ETFBKMT: variants seen among roughly 807,000 people sequenced by gnomAD.
ETFBKMT encodes electron transfer flavoprotein subunit beta lysine methyltransferase.
In ETFBKMT, 13 loss-of-function variants were observed where a neutral mutation model predicts 18.3. The observed-to-expected ratio is 0.71, with a 90% CI of 0.46 to 1.13. The LOEUF (loss-of-function observed/expected upper bound fraction) is 1.13, where lower values mean the gene tolerates loss of function less well. Among genes scored for constraint, ETFBKMT ranks in the 50% most tolerant of loss-of-function variants. The pLI is 0.00. For missense variants in ETFBKMT, 293 were observed against 306.2 expected, an observed-to-expected ratio of 0.96 and a Z score of 0.32; for synonymous variants, 84 against 107.9, an observed-to-expected ratio of 0.78 and a Z score of 1.37.
chr12:31,662,822 A>G (rs1172388500), intron 2 of ETFBKMT, among the ~76,000 whole-genome samples: 1 of 152,184 alleles, frequency 6.6e-6, no homozygotes, highest in Non-Finnish European at 1.5e-5. Flanking sequence ...TGACCATTGC[A>G]GAGTTCCTAG....
In ETFBKMT at chr12:31,649,515, A is replaced by AT. The variant is rs574193796; in HGVS notation, c.-114+2269dup. Among the ~76,000 whole-genome samples, 111 of 147,404 alleles carry AT rather than the reference A, an allele frequency of 7.5e-4. 1 individual carries two copies. In the South Asian group the frequency reaches 0.012, roughly 15 times the overall value. Reference sequence around the variant, plus strand: ...TGTGTCGGGCTAGTCTATTGGTGCCATTTTTTTTTCAAACAGAGTGTGCTT... The same window carrying AT: ...TGTGTCGGGCTAGTCTATTGGTGCCATTTTTTTTTTCAAACAGAGTGTGCTT... On this transcript the variant is annotated intron_variant, in intron 1 of 3. Coordinates refer to the ETFBKMT transcript ENST00000412352.
chr12:31,666,446 T>C (rs1447988421), intron 3 of ETFBKMT, among the ~76,000 whole-genome samples: 1 of 152,164 alleles, frequency 6.6e-6, no homozygotes, highest in Non-Finnish European at 1.5e-5. Context: ...TAAGCACTTA[T>C]GTTAATTTAT....
rs200203445 is a variant in ETFBKMT, at chr12:31,667,630, CTTTT to C, written c.446-7_446-4del. The C allele has an allele frequency of 6.5e-6, 9 of 1,378,828 alleles. No homozygotes were observed. Among genetic ancestry groups the C allele is most frequent in the Admixed American group, 4.1e-5 (2 of 48,362 alleles). 85.4% of individuals were successfully genotyped at this position (1,378,828 alleles called of 1,614,324 possible). A position where few individuals can be genotyped will look rare whatever the true frequency, so the allele number is the denominator to read the frequency against. On this transcript the variant is annotated splice_polypyrimidine_tract_variant and intron_variant, in intron 3 of 3. Transcript: ENST00000357721. ...CTAGCATATACCAATTCATTTTGTG[CTTTT>C]TTTTTTTTTAAGTTGCAGGAATGGC...
In ETFBKMT at chr12:31,662,158, T is replaced by G; in HGVS notation, c.205T>G (p.Leu69Val). 1 of 1,614,212 alleles carries G rather than the reference T, an allele frequency of 6.2e-7. No individual in the cohort carries two copies. Among genetic ancestry groups the G allele is most frequent in the Non-Finnish European group, 8.5e-7 (1 of 1,180,032 alleles). ...TGGTAGCCTCACCCCTGAAATCCAGTTGCGGCTTTTGACCCCCAGATGCAA... is the reference window on the plus strand; with the variant it reads ...TGGTAGCCTCACCCCTGAAATCCAGGTGCGGCTTTTGACCCCCAGATGCAA... ...SSGSLTPEIQ[L>V]RLLTPRCKFW... The change falls in exon 2 of 4, where the codon TTG (leucine) becomes GTG (valine). Residue 69 changes from leucine (L) to valine (V), a missense_variant. Leu to Val is a conservative substitution (Grantham distance 32). Transcript: ENST00000357721.
intron 1 of ETFBKMT, among the ~76,000 whole-genome samples, 188 bp from the exon 2 acceptor site, chr12:31,661,653 G>T (rs1951125474): frequency 6.6e-6 from 1 of 151,970 alleles, no homozygotes; most frequent in Non-Finnish European, 1.5e-5. Flanking sequence ...TAGAGACAGG[G>T]TTTCACCATG....
chr12:31,670,970 A>G lies in ETFBKMT; in HGVS notation c.*2980A>G, dbSNP rs1469775140. The G allele has an allele frequency of 6.6e-6, 1 of 152,184 alleles. No individual in the cohort carries two copies. Among genetic ancestry groups the G allele is most frequent in the Non-Finnish European group, 1.5e-5 (1 of 68,034 alleles). 9.4% of individuals were successfully genotyped at this position (152,184 alleles called of 1,614,324 possible). On this transcript the variant is annotated 3_prime_UTR_variant, in exon 4 of 4. Coordinates refer to ENST00000357721, the MANE Select transcript of ETFBKMT (RefSeq NM_001135863.2). The stretch of plus-strand genomic sequence containing the variant: ...GGGAATACTGGGTACTGGATGGGGT[A>G]CAGATATTTTAAACAGAGTGGTGAG...
At chr12:31,663,737 T>C (rs1246103309) in intron 2 of ETFBKMT, among the ~76,000 whole-genome samples, 1 of 152,222 alleles carries the variant, frequency 6.6e-6, no homozygotes, top group East Asian at 1.9e-4. Flanking sequence ...TTATAGTTCA[T>C]GGCCTTTTAT....
intron 2 of ETFBKMT, among the ~76,000 whole-genome samples, chr12:31,664,273 G>T (rs926741676): frequency 4.0e-5 from 6 of 151,866 alleles, no homozygotes; most frequent in African/African-American, 1.5e-4. Context: ...TGGTTGAATT[G>T]GACTTTGAGT....
upstream of ETFBKMT, among the ~76,000 whole-genome samples, chr12:31,656,021 T>C (rs1046654786): frequency 6.6e-6 from 1 of 152,236 alleles, no homozygotes; most frequent in East Asian, 1.9e-4. Context: ...GATACTGATA[T>C]GTAATGTTTG....
At chr12:31,652,182 C>A (rs981569683) in intron 1 of ETFBKMT, among the ~76,000 whole-genome samples, 3 of 152,194 alleles carry the variant, frequency 2.0e-5, no homozygotes, top group Admixed American at 2.0e-4. Flanking sequence ...TAAACTTCGG[C>A]GCATCCACTG....
In ETFBKMT at chr12:31,667,695, C is replaced by G; in HGVS notation, c.494C>G (p.Pro165Arg). The G allele has an allele frequency of 6.2e-7, 1 of 1,613,526 alleles. No homozygotes were observed. The highest frequency in any genetic ancestry group is 8.5e-7 in the Non-Finnish European group (1 of 1,179,906). ...TLNCELNRLNPFPILIQNILN... is the reference protein window; with the variant it reads ...TLNCELNRLNRFPILIQNILN... The stretch of plus-strand genomic sequence containing the variant: ...AATTGTGAATTGAACAGACTGAATC[C>G]TTTTCCTATTTTAATCCAAAACATT... The change falls in exon 4 of 4, where the codon CCT (proline) becomes CGT (arginine). Residue 165 changes from proline to arginine, a missense_variant. By Grantham distance (103) the Pro-to-Arg change is moderately radical. Transcript: ENST00000357721.
At chr12:31,653,280 CTG>C (rs1333929552) in intron 1 of ETFBKMT, among the ~76,000 whole-genome samples, 1 of 150,746 alleles carries the variant, frequency 6.6e-6, no homozygotes, top group African/African-American at 2.4e-5. Context: ...TTATACATAA[CTG>C]TTTAAGTTTC....
At position 31,672,267 on chromosome 12, in the gene ETFBKMT, A is replaced by T. The variant is rs1202491496; in HGVS notation, c.*4277A>T. The T allele has an allele frequency of 6.8e-7, 1 of 1,460,474 alleles. No homozygotes were observed. Among genetic ancestry groups the T allele is most frequent in the Non-Finnish European group, 9.4e-7 (1 of 1,063,482 alleles). The allele number at this position is 1,460,474 out of a possible 1,614,324, so 90.5% of individuals were successfully genotyped here. A position where few individuals can be genotyped will look rare whatever the true frequency, so the allele number is the denominator to read the frequency against. On this transcript the variant is annotated 3_prime_UTR_variant, in exon 4 of 4. Transcript: ENST00000357721. ...ATGGTTTCCTGGGAAAGTAGTTTTG[A>T]TAAGCTTTCCTAGCATTGATCATCT...
upstream of ETFBKMT, among the ~76,000 whole-genome samples, chr12:31,655,359 C>T (rs777782357): frequency 8.5e-5 from 13 of 152,128 alleles, no homozygotes; most frequent in African/African-American, 4.8e-5. Flanking sequence ...TCACAAATCG[C>T]GCCTAAGAAA....
At chr12:31,667,162 T>G (rs1347067043) in intron 3 of ETFBKMT, among the ~76,000 whole-genome samples, 1 of 152,232 alleles carries the variant, frequency 6.6e-6, no homozygotes, top group East Asian at 1.9e-4. Flanking sequence ...GCCCAGCTAA[T>G]TTTTGTATTT....
At position 31,672,592 on chromosome 12, in the gene ETFBKMT, GT is replaced by G; in HGVS notation, c.*4605del. 5.7e-6 allele frequency: 2 copies of G among 351,770 alleles called. No homozygotes were observed. The highest frequency in any genetic ancestry group is 1.0e-5 in the Non-Finnish European group (2 of 194,790). The allele number at this position is 351,770 out of a possible 1,614,324, so 21.8% of individuals were successfully genotyped here. A position where few individuals can be genotyped will look rare whatever the true frequency, so the allele number is the denominator to read the frequency against. ...TAGTGCACCTATCATGGTATTACTT[GT>G]TTAAAAAAAAAAAACAGGCATTTGT... On this transcript the variant is annotated 3_prime_UTR_variant, in exon 4 of 4. Coordinates refer to ENST00000357721, the MANE Select transcript of ETFBKMT (RefSeq NM_001135863.2).
Position 31,670,916 on chromosome 12 carries a change from A to G in ETFBKMT, c.*2926A>G, listed in dbSNP as rs1232149633. ...AAACAGGCATCAGATGGTGATAGGT[A>G]GTAAGGAGAAAAAGAAGTAAGGGTA... On this transcript the variant is annotated 3_prime_UTR_variant, in exon 4 of 4. Transcript: ENST00000357721. 1.3e-5 allele frequency: 2 copies of G among 152,224 alleles called. No individual in the cohort carries two copies. Among genetic ancestry groups the G allele is most frequent in the African/African-American group, 4.8e-5 (2 of 41,454 alleles). The allele number at this position is 152,224 out of a possible 1,614,324, so 9.4% of individuals were successfully genotyped here. A position where few individuals can be genotyped will look rare whatever the true frequency, so the allele number is the denominator to read the frequency against.
chr12:31,648,920 G>A (rs553782274), intron 1 of ETFBKMT, among the ~76,000 whole-genome samples: 27 of 151,664 alleles, frequency 1.8e-4, no homozygotes, highest in South Asian at 8.3e-4. Context: ...CTTGTGATCC[G>A]CCTGCCTCAG....
chr12:31,664,935 CTTTCT>C (rs1258144258), intron 2 of ETFBKMT, among the ~76,000 whole-genome samples: 4 of 137,400 alleles, frequency 2.9e-5, no homozygotes, highest in Non-Finnish European at 4.7e-5. Flanking sequence ...TCTTTTCTTT[CTTTCT>C]TTTTTTTTTT....
Sources: allele counts gnomAD v4.1 joint callset (sites outside exome capture counted in the v4.1 genomes callset), GRCh38; gene constraint gnomAD v4.1.1; transcripts MANE v1.5; gene names NCBI Gene and HGNC (gene_info 2026-07-23, HGNC 2026-07-21).